MYBBP1A: variants seen among roughly 807,000 people sequenced by gnomAD.
MYBBP1A encodes the protein MYB binding protein 1a, also known as myb-binding protein 1A.
Under a neutral mutation model 136.3 loss-of-function variants are expected in MYBBP1A, and 147 were observed. That is an observed-to-expected ratio of 1.08 (90% CI 0.94 to 1.24). MYBBP1A has a LOEUF of 1.24. Ranked by LOEUF, MYBBP1A falls within the 50% of genes most tolerant of loss-of-function variation. MYBBP1A has a pLI of 0.00. For missense variants in MYBBP1A, 2,060 were observed against 1,727.4 expected (o/e 1.19, Z -3.41); for synonymous variants, 947 against 735.8 (o/e 1.29, Z -4.65).
Position 4,539,899 on chromosome 17 carries a change from T to G in MYBBP1A, c.3503A>C (p.Lys1168Thr). 6.2e-7 allele frequency: 1 copy of G among 1,601,204 alleles called. No individual in the cohort carries two copies. The highest frequency in any genetic ancestry group is 8.5e-7 in the Non-Finnish European group (1 of 1,179,922). ...TGGCAAGAATCCCTTTTTCTTCCGC[T>G]TCTTACTGATGGGGCTCTGGGTGGC... ...PSATQSPISK[K>T]RKKKGFLPET... The change falls in exon 26 of 26, where the codon AAG becomes ACG. Residue 1168 changes from lysine to threonine, a missense_variant. By Grantham distance (78) the Lys-to-Thr change is moderately conservative. Transcript: ENST00000254718.
chr17:4,554,812 C>G (rs758273213), intron 2 of MYBBP1A, 49 bp downstream of exon 2: 2 of 1,574,974 alleles, frequency 1.3e-6, no homozygotes, highest in Non-Finnish European at 1.7e-6. Context: ...CCTCATACCC[C>G]ACCATTTTGA....
chr17:4,554,136 T>TC (rs753773736), intron 3 of MYBBP1A, 43 bp from the exon 4 acceptor site: 1 of 1,612,780 alleles, frequency 6.2e-7, no homozygotes, highest in Non-Finnish European at 8.5e-7. Context: ...GCCCTGGAAC[T>TC]CCCCATTCCC....
intron 25 of MYBBP1A, 90 bp from the exon 26 acceptor site, chr17:4,540,057 T>G (rs2144411018): frequency 2.8e-6 from 4 of 1,428,540 alleles, no homozygotes; most frequent in Middle Eastern, 2.3e-4. Flanking sequence ...ATTCTGAGGG[T>G]CCTCTGAGGC....
rs1325693358 is a variant in MYBBP1A at position 4,548,889 on chromosome 17, A to G, written c.1431-240T>C. Among the ~76,000 whole-genome samples, 2 of 152,202 alleles carry G rather than the reference A, an allele frequency of 1.3e-5. No individual in the cohort carries two copies. Among genetic ancestry groups the G allele is most frequent in the Non-Finnish European group, 1.5e-5 (1 of 68,014 alleles). On this transcript the variant is annotated intron_variant, in intron 10 of 25. Transcript: ENST00000254718. This position sits in a 1 kb window ranked among gnomAD's most constrained non-coding sequence, Gnocchi z 4.2. ...CTGAACGCGGGTTAACCCGAGCTAG[A>G]GAGAGTCAGTGCCCCTCTCAAGGAA...
chr17:4,545,170 C>T lies in MYBBP1A; in HGVS notation c.2166G>A (p.Lys722=). The stretch of plus-strand genomic sequence containing the variant: ...TTCTGTTGTCCTCACCTTCCTCGCT[C>T]TTGTCCTGTGTGGTAGAGGCAGGCG... The part of the protein sequence containing the change: ...DERRLKGAED[K]SEEGEDNRSS... Residue 722 remains lysine (K), a synonymous_variant, in exon 17 of 26, where the codon AAG becomes AAA. Transcript: ENST00000254718. 1 of 1,613,524 alleles carries T rather than the reference C, an allele frequency of 6.2e-7. No individual in the cohort carries two copies. Among genetic ancestry groups the T allele is most frequent in the Non-Finnish European group, 8.5e-7 (1 of 1,179,970 alleles).
intron 4 of MYBBP1A, 44 bp downstream of exon 4, chr17:4,553,975 T>TC: frequency 6.2e-7 from 1 of 1,613,586 alleles, no homozygotes; most frequent in African/African-American, 1.3e-5. Flanking sequence ...CCCCCACCCA[T>TC]CCCAAGCCAG....
chr17:4,549,147 G>A (rs1462103533), intron 10 of MYBBP1A, among the ~76,000 whole-genome samples, 185 bp downstream of exon 10: 3 of 152,348 alleles, frequency 2.0e-5, no homozygotes, highest in Admixed American at 6.5e-5. Context: ...TGCAGCTGGG[G>A]TGCCTCCTGG....
At chr17:4,543,317 C>T in intron 19 of MYBBP1A, 152 bp from the exon 20 acceptor site, 1 of 1,068,564 alleles carries the variant, frequency 9.4e-7, no homozygotes, top group Non-Finnish European at 1.3e-6. Context: ...CCCAGGGCCG[C>T]CTGCAGGCTG....
rs770225943 is a variant in MYBBP1A, at chr17:4,554,991, GACA to G, written c.199-38_199-36del. The G allele has an allele frequency of 8.1e-6, 13 of 1,611,226 alleles. 1 individual carries two copies. In the South Asian group the frequency reaches 9.9e-5, roughly 12 times the overall value. On this transcript the variant is annotated intron_variant, in intron 1 of 25. Coordinates refer to ENST00000254718, the MANE Select transcript of MYBBP1A (RefSeq NM_014520.4). ...CAAGCACACCCTCGTGTTCAATGGT[GACA>G]ACAAGGTGCACGCCCCCGCGCACCC... is the stretch of plus-strand genomic sequence containing the variant.
At position 4,546,267 on chromosome 17, in the gene MYBBP1A, T is replaced by C. The variant is rs963892773; in HGVS notation, c.1825-325A>G. 5.9e-5 allele frequency among the ~76,000 whole-genome samples: 9 copies of C among 152,284 alleles called. No individual in the cohort carries two copies. In the South Asian group the frequency reaches 1.0e-3, roughly 18 times the overall value. Reference sequence around the variant, plus strand: ...CCAAGTAGCTGGGATTGCAGGCGTGTACCACCATGCCCGGCTAATTTTTGT... The same window carrying C: ...CCAAGTAGCTGGGATTGCAGGCGTGCACCACCATGCCCGGCTAATTTTTGT... On this transcript the variant is annotated intron_variant, in intron 13 of 25. Transcript: ENST00000254718.
At chr17:4,553,101 C>T (rs528874356) in intron 5 of MYBBP1A, among the ~76,000 whole-genome samples, 3 of 152,184 alleles carry the variant, frequency 2.0e-5, no homozygotes, top group Non-Finnish European at 4.4e-5. Context: ...GGATTACAGG[C>T]GTGAGCCACC....
chr17:4,553,099 G>A (rs1257271901), intron 5 of MYBBP1A, among the ~76,000 whole-genome samples: 1 of 152,206 alleles, frequency 6.6e-6, no homozygotes, highest in East Asian at 1.9e-4. Context: ...TGGGATTACA[G>A]GCGTGAGCCA....
chr17:4,548,912 G>GA lies in MYBBP1A; in HGVS notation c.1431-264dup, dbSNP rs1447181812. On this transcript the variant is annotated intron_variant, in intron 10 of 25. Coordinates refer to ENST00000254718, the MANE Select transcript of MYBBP1A (RefSeq NM_014520.4). The surrounding 1 kb of genome is among the most constrained non-coding windows in gnomAD (Gnocchi z 4.2). Reference sequence around the variant, plus strand: ...AGAGAGAGTCAGTGCCCCTCTCAAGGAACCAACAGATGGGAGGCTGTGTGG... The same window carrying GA: ...AGAGAGAGTCAGTGCCCCTCTCAAGGAAACCAACAGATGGGAGGCTGTGTGG... Among the ~76,000 whole-genome samples the GA allele has an allele frequency of 8.5e-5, 13 of 152,234 alleles. No individual in the cohort carries two copies. Among genetic ancestry groups the GA allele is most frequent in the African/African-American group, 3.1e-4 (13 of 41,462 alleles).
At position 4,553,516 on chromosome 17, in the gene MYBBP1A, T is replaced by C. The variant is rs967329320; in HGVS notation, c.561+294A>G. ...AACAGGGGTGTGCCTAAGTGTAACA[T>C]ACACACTGGATTTTGGAGACACCTG... is the stretch of plus-strand genomic sequence containing the variant. On this transcript the variant is annotated intron_variant, in intron 5 of 25. Transcript: ENST00000254718. Among the ~76,000 whole-genome samples, 3 of 152,226 alleles carry C rather than the reference T, an allele frequency of 2.0e-5. No homozygotes were observed. The East Asian group carries it at 5.8e-4, about 29-fold the overall frequency.
intron 23 of MYBBP1A, 106 bp from the exon 24 acceptor site, chr17:4,541,670 C>CTGGGGTTGT: frequency 7.0e-7 from 1 of 1,422,630 alleles, no homozygotes. Context: ...CCTGGGACAA[C>CTGGGGTTGT]CCCAGTTCTC....
chr17:4,545,886 A>C lies in MYBBP1A; in HGVS notation c.1881T>G (p.Ser627Arg). 6.2e-7 allele frequency: 1 copy of C among 1,613,270 alleles called. No individual in the cohort carries two copies. The highest frequency in any genetic ancestry group is 8.5e-7 in the Non-Finnish European group (1 of 1,179,966). Residue 627 changes from serine (S) to arginine (R), a missense_variant, in exon 14 of 26, where the codon AGT becomes AGG. Physicochemically the swap from Ser to Arg is moderately radical, Grantham distance 110 (BLOSUM62 -1). Coordinates refer to ENST00000254718, the MANE Select transcript of MYBBP1A (RefSeq NM_014520.4). ...LGDIQTCIRKSLGEKPRRSRT... is the reference protein window; with the variant it reads ...LGDIQTCIRKRLGEKPRRSRT... Reference sequence around the variant, plus strand: ...GGCTCCGGCGGGGCTTCTCTCCCAGACTTTTCCTGATGCAGGTCTGGATGT... The same window carrying C: ...GGCTCCGGCGGGGCTTCTCTCCCAGCCTTTTCCTGATGCAGGTCTGGATGT...
intron 24 of MYBBP1A, among the ~76,000 whole-genome samples, 169 bp downstream of exon 24, chr17:4,541,293 GT>G (rs1338437334): frequency 6.6e-6 from 1 of 152,244 alleles, no homozygotes; most frequent in African/African-American, 2.4e-5. Flanking sequence ...CCCATCCATG[GT>G]TTGGTAACTG....
chr17:4,552,353 A>C lies in MYBBP1A; in HGVS notation c.738-61T>G, dbSNP rs1907599235. On this transcript the variant is annotated intron_variant, in intron 6 of 25. Transcript: ENST00000254718. The surrounding 1 kb of genome is among the most constrained non-coding windows in gnomAD (Gnocchi z 4.7). ...CACAGGCAAGGGCCAGGGTGACAAG[A>C]GCAGCCGGGACACCCCCAGGCCAAA... 1.2e-6 allele frequency: 2 copies of C among 1,606,814 alleles called. No individual in the cohort carries two copies. The highest frequency in any genetic ancestry group is 3.3e-5 in the Admixed American group (2 of 59,784).
chr17:4,541,623 C>T, intron 23 of MYBBP1A, 59 bp from the exon 24 acceptor site: 1 of 1,569,264 alleles, frequency 6.4e-7, no homozygotes, highest in Non-Finnish European at 8.7e-7. Flanking sequence ...CTTTCTGTTT[C>T]CCAGCCGGAA....
Sources: allele counts gnomAD v4.1 joint callset (sites outside exome capture counted in the v4.1 genomes callset), GRCh38; gene constraint gnomAD v4.1.1; non-coding constraint Gnocchi (gnomAD v3.1); transcripts MANE v1.5; gene names NCBI Gene and HGNC (gene_info 2026-07-23, HGNC 2026-07-21).